The following KCTD8 variants were observed in gnomAD, a reference collection of about 807,000 sequenced individuals.
The protein encoded by KCTD8 is potassium channel tetramerization domain containing 8, also known as BTB/POZ domain-containing protein KCTD8.
A neutral mutation model predicts 31.5 loss-of-function variants in KCTD8; 27 were observed. The ratio of observed to expected loss-of-function variants is 0.86; its 90% CI spans 0.63 to 1.18. The LOEUF (loss-of-function observed/expected upper bound fraction) is 1.18, where lower values mean the gene tolerates loss of function less well. KCTD8 is among the 50% of genes most tolerant of loss of function. The pLI is 0.00. For missense variants in KCTD8, 658 were observed against 647.7 expected, an observed-to-expected ratio of 1.02 and a Z score of -0.17; for synonymous variants, 290 against 280.0, an observed-to-expected ratio of 1.04 and a Z score of -0.36.
chr4:44,213,086 C>T (rs1055883900), intron 1 of KCTD8, among the ~76,000 whole-genome samples: 2 of 152,008 alleles, frequency 1.3e-5, no homozygotes, highest in South Asian at 2.1e-4. Context: ...TACAGGCGCC[C>T]GCCACCATGC....
At chr4:44,406,515 T>C (rs1334525651) in intron 1 of KCTD8, among the ~76,000 whole-genome samples, 1 of 152,116 alleles carries the variant, frequency 6.6e-6, no homozygotes, top group Admixed American at 6.5e-5. Context: ...ATGTAAGAAG[T>C]GCCTTTTGCC....
chr4:44,179,667 C>T lies in KCTD8; in HGVS notation c.962-4417G>A, dbSNP rs1368808359. Among the ~76,000 whole-genome samples, 17 of 151,392 alleles carry T rather than the reference C, an allele frequency of 1.1e-4. No homozygotes were observed. The East Asian group carries it at 3.1e-3, about 27-fold the overall frequency. On this transcript the variant is annotated intron_variant, in intron 1 of 1. Coordinates refer to ENST00000360029, the MANE Select transcript of KCTD8 (RefSeq NM_198353.3). ...AGAATGCTTGGCTTTATTTTGTGTA[C>T]ATCTTTGAAAGAATAGAATAATATG...
chr4:44,311,623 C>A (rs540559293), intron 1 of KCTD8, among the ~76,000 whole-genome samples: 1 of 151,920 alleles, frequency 6.6e-6, no homozygotes, highest in African/African-American at 2.4e-5. Context: ...TGAAGATATA[C>A]AGTATTTAAC....
intron 1 of KCTD8, among the ~76,000 whole-genome samples, chr4:44,195,441 G>T (rs1177351399): frequency 6.6e-6 from 1 of 152,090 alleles, no homozygotes; most frequent in African/African-American, 2.4e-5. Context: ...AATGTGCTGT[G>T]ACATATTTTG....
rs1722003682 is a variant in KCTD8 at position 44,448,233 on chromosome 4, G to A, written c.291C>T (p.Phe97=). The A allele has an allele frequency of 1.2e-6, 2 of 1,611,890 alleles. No homozygotes were observed. The highest frequency in any genetic ancestry group is 2.2e-5 in the South Asian group (2 of 90,964). ...GELPRDSRAR[F]FIDRDGFLFR... is the part of the protein sequence containing the mutation. ...AAAGGAAGCCGTCCCGGTCGATGAA[G>A]AAGCGCGCCCGGCTGTCCCTGGGCA... The change falls in exon 1 of 2, where the codon TTC becomes TTT. Residue 97 remains phenylalanine, a synonymous_variant. Coordinates refer to ENST00000360029, the MANE Select transcript of KCTD8 (RefSeq NM_198353.3). The surrounding 1 kb of genome is among the most constrained non-coding windows in gnomAD (Gnocchi z 4.1).
At chr4:44,435,526 G>A (rs1469114181) in intron 1 of KCTD8, among the ~76,000 whole-genome samples, 5 of 151,688 alleles carry the variant, frequency 3.3e-5, no homozygotes, top group South Asian at 4.2e-4. Flanking sequence ...GTACTTTTCC[G>A]AATTGATAAC....
intron 1 of KCTD8, among the ~76,000 whole-genome samples, chr4:44,212,610 G>C (rs1424321432): frequency 6.6e-6 from 1 of 151,960 alleles, no homozygotes; most frequent in Admixed American, 6.6e-5. Context: ...AGGGTCAACT[G>C]TATTTCAAAA....
chr4:44,271,822 G>T (rs1163106994), intron 1 of KCTD8, among the ~76,000 whole-genome samples: 1 of 152,058 alleles, frequency 6.6e-6, no homozygotes, highest in African/African-American at 2.4e-5. Context: ...CTGGCTTGCT[G>T]TCAATAAGTA....
chr4:44,271,018 GA>G (rs1560411970), intron 1 of KCTD8, among the ~76,000 whole-genome samples: 1 of 152,082 alleles, frequency 6.6e-6, no homozygotes, highest in East Asian at 1.9e-4. Flanking sequence ...TAAATTTTTA[GA>G]GAGGAAAATG....
chr4:44,375,378 A>G (rs2109439099), intron 1 of KCTD8, among the ~76,000 whole-genome samples: 1 of 152,240 alleles, frequency 6.6e-6, no homozygotes, highest in African/African-American at 2.4e-5. Flanking sequence ...AAGGAAGATA[A>G]ATTAGAAAGA....
At chr4:44,305,811 C>A (rs188329870) in intron 1 of KCTD8, among the ~76,000 whole-genome samples, 1 of 151,836 alleles carries the variant, frequency 6.6e-6, no homozygotes, top group Non-Finnish European at 1.5e-5. Flanking sequence ...CAACCATTTA[C>A]TGGATCATAA....
At chr4:44,244,854 G>A (rs1386478361) in intron 1 of KCTD8, among the ~76,000 whole-genome samples, 1 of 151,170 alleles carries the variant, frequency 6.6e-6, no homozygotes, top group African/African-American at 2.4e-5. Flanking sequence ...TTGTGGGGGG[G>A]GGGGGGTCTT....
chr4:44,264,697 T>C (rs71610098), intron 1 of KCTD8, among the ~76,000 whole-genome samples: 1 of 152,148 alleles, frequency 6.6e-6, no homozygotes, highest in Non-Finnish European at 1.5e-5. Context: ...ACTGCTCTTT[T>C]CCGATGGGCT....
rs551453528 is a variant in KCTD8, at chr4:44,432,088, A to C, written c.961+15475T>G. On this transcript the variant is annotated intron_variant, in intron 1 of 1. Coordinates refer to ENST00000360029, the MANE Select transcript of KCTD8 (RefSeq NM_198353.3). ...TTCTCTCTTTTATCCTTATTAAAAC[A>C]TTTTATTGGAGCCAGTATTTTATTC... is the stretch of plus-strand genomic sequence containing the variant. Among the ~76,000 whole-genome samples the C allele has an allele frequency of 1.4e-4, 21 of 151,564 alleles. No individual in the cohort carries two copies. The South Asian group carries it at 3.3e-3, about 24-fold the overall frequency.
At chr4:44,314,039 C>T (rs1200340288) in intron 1 of KCTD8, among the ~76,000 whole-genome samples, 1 of 152,060 alleles carries the variant, frequency 6.6e-6, no homozygotes, top group Non-Finnish European at 1.5e-5. Context: ...ATAAGGGGAG[C>T]TGTACAAGAA....
intron 1 of KCTD8, among the ~76,000 whole-genome samples, chr4:44,406,203 C>T (rs16856882): frequency 0.077 from 11,789 of 152,142 alleles, 480 homozygotes; most frequent in South Asian, 0.14. Flanking sequence ...TGGTAGTTCA[C>T]ATGGCACCCA....
At chr4:44,221,631 T>C (rs1432454122) in intron 1 of KCTD8, among the ~76,000 whole-genome samples, 1 of 152,136 alleles carries the variant, frequency 6.6e-6, no homozygotes, top group Non-Finnish European at 1.5e-5. Flanking sequence ...GGAAAACCAC[T>C]GGCGTATGTC....
intron 1 of KCTD8, among the ~76,000 whole-genome samples, chr4:44,403,167 G>A (rs1421993476): frequency 6.6e-6 from 1 of 151,218 alleles, no homozygotes; most frequent in African/African-American, 2.4e-5. Context: ...AATTACAAAT[G>A]CATTTTTGCG....
chr4:44,345,319 T>C (rs1719010096), intron 1 of KCTD8, among the ~76,000 whole-genome samples: 3 of 152,040 alleles, frequency 2.0e-5, no homozygotes, highest in Non-Finnish European at 4.4e-5. Flanking sequence ...ATTCAAACAA[T>C]AAAGAAAATT....
Sources: gnomAD v4.1 joint callset for allele counts (sites outside exome capture counted in the v4.1 genomes callset) on GRCh38, gnomAD v4.1.1 for gene constraint, Gnocchi (gnomAD v3.1) non-coding constraint, MANE v1.5 for transcripts, NCBI Gene and HGNC (gene_info 2026-07-23, HGNC 2026-07-21) for gene names.